Variants in SHISA9 observed in about 807,000 individuals in gnomAD.
SHISA9 encodes shisa family member 9.
SHISA9 carries 13 observed loss-of-function variants against 38.0 expected under a neutral mutation model. That is an observed-to-expected ratio of 0.34 (90% CI 0.22 to 0.54). The LOEUF (loss-of-function observed/expected upper bound fraction) is 0.54, where lower values mean the gene tolerates loss of function less well. Among genes scored for constraint, SHISA9 ranks in the 20% least tolerant of loss-of-function variants. The probability of loss-of-function intolerance (pLI) is 0.91; values close to 1 mark genes in which losing one functional copy is unlikely to be tolerated. For synonymous variants in SHISA9, 275 were observed against 242.0 expected (o/e 1.14, Z -1.27); for missense variants, 538 against 575.8 (o/e 0.93, Z 0.67).
chr16:13,556,400 ATTAAT>A, the SHISA9 span, among the ~76,000 whole-genome samples: 865 of 152,236 alleles, frequency 5.7e-3, 7 homozygotes, highest in African/African-American at 0.019. Flanking sequence ...CACTTAATTG[ATTAAT>A]AAACAATCAG....
intron 4 of SHISA9, among the ~76,000 whole-genome samples, chr16:13,226,973 C>T (rs2051285533): frequency 6.6e-6 from 1 of 152,194 alleles, no homozygotes; most frequent in African/African-American, 2.4e-5. Context: ...ATGGTAAGAG[C>T]TGCAAAGTAT....
At chr16:13,090,470 A>G (rs932524206) in intron 2 of SHISA9, among the ~76,000 whole-genome samples, 3 of 152,136 alleles carry the variant, frequency 2.0e-5, no homozygotes, top group Non-Finnish European at 4.4e-5. Context: ...GACTTGCTTT[A>G]TGAATCTGGG....
rs143737688 is a variant in SHISA9 at position 12,941,228 on chromosome 16, G to A, written c.691+24413G>A. 2.5e-3 allele frequency among the ~76,000 whole-genome samples: 383 copies of A among 152,256 alleles called. 1 individual carries two copies. Among genetic ancestry groups the A allele is most frequent in the African/African-American group, 8.9e-3 (369 of 41,550 alleles). On this transcript the variant is annotated intron_variant, in intron 2 of 4. Coordinates refer to ENST00000558583, the MANE Select transcript of SHISA9 (RefSeq NM_001145204.3). The stretch of plus-strand genomic sequence containing the variant: ...AATTATCCAGGTGTGGTGTGTGCCT[G>A]TAATCCTAGCTACCTGGGAACCTAA...
At chr16:12,940,220 A>C (rs1263435545) in intron 2 of SHISA9, among the ~76,000 whole-genome samples, 3 of 152,180 alleles carry the variant, frequency 2.0e-5, no homozygotes. Context: ...TTGGGGGCCC[A>C]TCTTGCCATT....
At chr16:12,958,889 A>G (rs1261139484) in intron 2 of SHISA9, among the ~76,000 whole-genome samples, 1 of 152,134 alleles carries the variant, frequency 6.6e-6, no homozygotes, top group Non-Finnish European at 1.5e-5. Context: ...ACATCAACAA[A>G]CAGTATTTTT....
chr16:13,374,928 A>G, the SHISA9 span, among the ~76,000 whole-genome samples: 1 of 152,074 alleles, frequency 6.6e-6, no homozygotes, highest in South Asian at 2.1e-4. Flanking sequence ...GATGATGAGC[A>G]TTTTTTCATG....
the SHISA9 span, among the ~76,000 whole-genome samples, chr16:13,502,520 C>A: frequency 6.6e-6 from 1 of 152,024 alleles, no homozygotes; most frequent in African/African-American, 2.4e-5. Context: ...GTACTAGATA[C>A]AAAATATCCA....
At chr16:13,282,154 A>G in the SHISA9 span, among the ~76,000 whole-genome samples, 1 of 152,124 alleles carries the variant, frequency 6.6e-6, no homozygotes, top group African/African-American at 2.4e-5. Flanking sequence ...CTTGAAGAAT[A>G]TCCTTCTACA....
chr16:13,524,029 G>A, the SHISA9 span, among the ~76,000 whole-genome samples: 1 of 152,114 alleles, frequency 6.6e-6, no homozygotes, highest in Non-Finnish European at 1.5e-5. Flanking sequence ...TCACACAGTC[G>A]AGAAATGGTG....
chr16:13,116,805 A>G (rs61702295), intron 2 of SHISA9, among the ~76,000 whole-genome samples: 3,806 of 152,304 alleles, frequency 0.025, 177 homozygotes, highest in African/African-American at 0.087. Context: ...TGCCTAACAC[A>G]ACCTCGAAGA....
At chr16:13,265,868 T>A in the SHISA9 span, among the ~76,000 whole-genome samples, 4 of 152,072 alleles carry the variant, frequency 2.6e-5, no homozygotes, top group East Asian at 7.7e-4. Context: ...AAAAGAATAA[T>A]GTGCCAACAT....
At chr16:13,302,020 G>A in the SHISA9 span, among the ~76,000 whole-genome samples, 9 of 152,058 alleles carry the variant, frequency 5.9e-5, no homozygotes, top group African/African-American at 2.2e-4. Flanking sequence ...AGAGTGAGGG[G>A]TACACACTGA....
chr16:12,931,189 A>T (rs1399546412), intron 2 of SHISA9, among the ~76,000 whole-genome samples: 1 of 152,160 alleles, frequency 6.6e-6, no homozygotes, highest in Non-Finnish European at 1.5e-5. Context: ...GATACAGGGG[A>T]TGGAGGGAGG....
At chr16:13,062,313 G>C (rs2073385821) in intron 2 of SHISA9, among the ~76,000 whole-genome samples, 1 of 152,334 alleles carries the variant, frequency 6.6e-6, no homozygotes, top group Middle Eastern at 3.4e-3. Flanking sequence ...TGGGAAGACA[G>C]CAGAGGTGTT....
the SHISA9 span, among the ~76,000 whole-genome samples, chr16:13,372,009 T>C: frequency 6.6e-6 from 1 of 152,216 alleles, no homozygotes; most frequent in African/African-American, 2.4e-5. Flanking sequence ...CTGTTCTCTG[T>C]TTCAGTTCCT....
chr16:13,282,783 A>C, the SHISA9 span, among the ~76,000 whole-genome samples: 1 of 152,026 alleles, frequency 6.6e-6, no homozygotes, highest in Non-Finnish European at 1.5e-5. Flanking sequence ...TCTAAATTTC[A>C]CATATTGGAC....
chr16:13,451,424 G>A, the SHISA9 span, among the ~76,000 whole-genome samples: 1 of 152,256 alleles, frequency 6.6e-6, no homozygotes, highest in South Asian at 2.1e-4. Flanking sequence ...GAGAGACTAA[G>A]TCATAAATAA....
the SHISA9 span, among the ~76,000 whole-genome samples, chr16:13,276,067 C>T: frequency 6.6e-6 from 1 of 151,894 alleles, no homozygotes; most frequent in Admixed American, 6.6e-5. Context: ...TCTTTTATCC[C>T]TCGCCCCCTC....
chr16:13,294,847 T>A, the SHISA9 span, among the ~76,000 whole-genome samples: 1 of 152,046 alleles, frequency 6.6e-6, no homozygotes, highest in South Asian at 2.1e-4. Context: ...CTATCTAGAG[T>A]GAGGGAGGAT....
Sources: allele counts gnomAD v4.1 joint callset (sites outside exome capture counted in the v4.1 genomes callset), GRCh38; gene constraint gnomAD v4.1.1; transcripts MANE v1.5; gene names NCBI Gene and HGNC (gene_info 2026-07-23, HGNC 2026-07-21).